The following PPP1R36 variants were observed in gnomAD, a reference collection of about 807,000 sequenced individuals.
PPP1R36 encodes the protein protein phosphatase 1 regulatory subunit 36, also known as chromosome 14 open reading frame 50.
A neutral mutation model predicts 53.4 loss-of-function variants in PPP1R36; 47 were observed. The ratio of observed to expected loss-of-function variants is 0.88; its 90% CI spans 0.70 to 1.12. PPP1R36 has a LOEUF of 1.12. PPP1R36 is among the 50% of genes most tolerant of loss of function. The pLI is 0.00. For synonymous variants in PPP1R36, 153 were observed against 170.5 expected, an observed-to-expected ratio of 0.90 and a Z score of 0.80; for missense variants, 456 against 513.9, an observed-to-expected ratio of 0.89 and a Z score of 1.09.
chr14:64,550,065 A>T lies in PPP1R36; in HGVS notation c.68A>T (p.Asp23Val). 6.4e-7 allele frequency: 1 copy of T among 1,560,662 alleles called. No homozygotes were observed. The highest frequency in any genetic ancestry group is 8.7e-7 in the Non-Finnish European group (1 of 1,152,102). Reference protein sequence around the residue: ...RLGGQTPYLMDQLGLRLGMWY... With the variant: ...RLGGQTPYLMVQLGLRLGMWY... Reference sequence around the variant, plus strand: ...GGTGGGCAGACCCCTTACTTGATGGATGTAAGTGCAGCCTTGGTCGCCCCC... The same window carrying T: ...GGTGGGCAGACCCCTTACTTGATGGTTGTAAGTGCAGCCTTGGTCGCCCCC... Residue 23 changes from aspartate (D) to valine (V), a missense_variant and splice_region_variant, in exon 1 of 12, where the codon GAT becomes GTT. Asp to Val is a radical substitution (Grantham distance 152). Coordinates refer to ENST00000298705, the MANE Select transcript of PPP1R36 (RefSeq NM_172365.3).
chr14:64,550,394 T>G (rs1596719002), intron 1 of PPP1R36: 1 of 684,388 alleles, frequency 1.5e-6, no homozygotes, highest in Non-Finnish European at 2.0e-6. Flanking sequence ...GAAAGGCTGG[T>G]GGGTGCTAGC....
rs2080246455 is a variant in PPP1R36, at chr14:64,565,672, T to C, written c.414T>C (p.Cys138=). 3.1e-6 allele frequency: 5 copies of C among 1,613,344 alleles called. No homozygotes were observed. Among genetic ancestry groups the C allele is most frequent in the Middle Eastern group, 1.6e-4 (1 of 6,082 alleles). Residue 138 remains cysteine, a synonymous_variant, in exon 6 of 12, where the codon TGT becomes TGC. Transcript: ENST00000298705. ...AAGATACTGAGATGCAGCGGATCTGTTCTTTTACAACATTTATGAGGTATC... is the reference window on the plus strand; with the variant it reads ...AAGATACTGAGATGCAGCGGATCTGCTCTTTTACAACATTTATGAGGTATC... The part of the protein sequence containing the change: ...LLQDTEMQRI[C]SFTTFMRNKN...
intron 6 of PPP1R36, among the ~76,000 whole-genome samples, chr14:64,566,280 G>C (rs1433659714): frequency 6.7e-6 from 1 of 149,902 alleles, no homozygotes; most frequent in African/African-American, 2.5e-5. Flanking sequence ...CAAAAAAAAA[G>C]AAAAATACAA....
chr14:64,576,896 CAG>C (rs1288167528), intron 8 of PPP1R36, among the ~76,000 whole-genome samples: 1 of 152,208 alleles, frequency 6.6e-6, no homozygotes, highest in African/African-American at 2.4e-5. Flanking sequence ...ATGTGGCACT[CAG>C]GGAGCGTAAC....
chr14:64,579,361 G>A (rs1022356793), intron 8 of PPP1R36, among the ~76,000 whole-genome samples: 6 of 152,170 alleles, frequency 3.9e-5, no homozygotes, highest in African/African-American at 1.4e-4. Flanking sequence ...AGGTATAGTA[G>A]TAGATTTAAT....
chr14:64,557,335 C>T (rs191584441), intron 3 of PPP1R36, among the ~76,000 whole-genome samples: 47 of 152,134 alleles, frequency 3.1e-4, no homozygotes, highest in Admixed American at 2.8e-3. Context: ...GTATGTATCT[C>T]AAAGAATAAG....
chr14:64,555,332 G>C (rs770962873), intron 3 of PPP1R36, among the ~76,000 whole-genome samples: 1 of 152,234 alleles, frequency 6.6e-6, no homozygotes, highest in Non-Finnish European at 1.5e-5. Flanking sequence ...TTCTCGAACA[G>C]TTGTTAGCCG....
Position 64,574,673 on chromosome 14 carries a change from C to T in PPP1R36, c.668+84C>T, listed in dbSNP as rs2080329646. 6 of 1,434,392 alleles carry T rather than the reference C, an allele frequency of 4.2e-6. No individual in the cohort carries two copies. In the South Asian group the frequency reaches 5.4e-5, roughly 13 times the overall value. The allele number at this position is 1,434,392 out of a possible 1,614,324, so 88.9% of individuals were successfully genotyped here. On this transcript the variant is annotated intron_variant, in intron 8 of 11. Transcript: ENST00000298705. ...GATGCTTCCGTTTGACTTTTGTTACCTTGAGAAAATGTTCCTTTTTCTGTT... is the reference window on the plus strand; with the variant it reads ...GATGCTTCCGTTTGACTTTTGTTACTTTGAGAAAATGTTCCTTTTTCTGTT...
At chr14:64,576,130 G>A (rs955434146) in intron 8 of PPP1R36, among the ~76,000 whole-genome samples, 15 of 148,606 alleles carry the variant, frequency 1.0e-4, no homozygotes, top group African/African-American at 3.8e-4. Flanking sequence ...CCATAGGCTG[G>A]AGTGCAATGG....
intron 7 of PPP1R36, among the ~76,000 whole-genome samples, chr14:64,568,962 T>A (rs2080282204): frequency 6.6e-6 from 1 of 152,120 alleles, no homozygotes; most frequent in Non-Finnish European, 1.5e-5. Flanking sequence ...CAGATATAGT[T>A]GTTGTTTGTG....
intron 6 of PPP1R36, among the ~76,000 whole-genome samples, chr14:64,566,497 G>A (rs970890478): frequency 5.9e-5 from 9 of 151,652 alleles, no homozygotes; most frequent in Non-Finnish European, 1.3e-4. Flanking sequence ...TTCTCTACTA[G>A]TTATGTTTGG....
rs530328058 is a variant in PPP1R36 at position 64,588,811 on chromosome 14, C to T, written c.1083-341C>T. 1.5e-4 allele frequency among the ~76,000 whole-genome samples: 23 copies of T among 152,192 alleles called. No homozygotes were observed. In the East Asian group the frequency reaches 2.1e-3, roughly 14 times the overall value. On this transcript the variant is annotated intron_variant, in intron 11 of 11. Coordinates refer to ENST00000298705, the MANE Select transcript of PPP1R36 (RefSeq NM_172365.3). ...CCAGCCTCAGGTGATCTGCCCGCCTCGGCCTCCCAAAGTGCTGGGATTACA... is the reference window on the plus strand; with the variant it reads ...CCAGCCTCAGGTGATCTGCCCGCCTTGGCCTCCCAAAGTGCTGGGATTACA...
At chr14:64,584,301 G>A (rs950613370) in intron 8 of PPP1R36, among the ~76,000 whole-genome samples, 13 of 152,216 alleles carry the variant, frequency 8.5e-5, no homozygotes, top group Admixed American at 8.5e-4. Context: ...ATGCTAAGAT[G>A]GTGCTGGTTT....
At chr14:64,561,347 A>G (rs2080204216) in intron 3 of PPP1R36, among the ~76,000 whole-genome samples, 1 of 152,216 alleles carries the variant, frequency 6.6e-6, no homozygotes, top group Admixed American at 6.5e-5. Context: ...CTCCCTACTC[A>G]TAGGCAACTC....
chr14:64,561,879 C>T (rs1182578069), intron 3 of PPP1R36: 4 of 454,454 alleles, frequency 8.8e-6, no homozygotes, highest in Non-Finnish European at 1.8e-5. Flanking sequence ...ACCAAGGAAA[C>T]CCTACTCTTT....
intron 8 of PPP1R36, among the ~76,000 whole-genome samples, chr14:64,580,939 T>A (rs1026778054): frequency 6.6e-6 from 1 of 152,196 alleles, no homozygotes; most frequent in Non-Finnish European, 1.5e-5. Flanking sequence ...GCTTGCCTGA[T>A]GCAGTCAGGT....
intron 3 of PPP1R36, among the ~76,000 whole-genome samples, chr14:64,555,564 G>A (rs2080142455): frequency 6.6e-6 from 1 of 152,136 alleles, no homozygotes; most frequent in South Asian, 2.1e-4. Context: ...AATAGGAAAA[G>A]GATTAAAAAC....
intron 8 of PPP1R36, among the ~76,000 whole-genome samples, chr14:64,582,857 T>A (rs2080399682): frequency 6.6e-6 from 1 of 151,624 alleles, no homozygotes; most frequent in Admixed American, 6.6e-5. Context: ...TAAATTTTGT[T>A]ATTTTAATTT....
At chr14:64,567,096 A>G (rs2080265027) in intron 6 of PPP1R36, among the ~76,000 whole-genome samples, 1 of 152,242 alleles carries the variant, frequency 6.6e-6, no homozygotes, top group Admixed American at 6.5e-5. Context: ...CCAGCCTGAG[A>G]CAGGGAGTTA....
Sources: gnomAD v4.1 joint callset for allele counts (sites outside exome capture counted in the v4.1 genomes callset) on GRCh38, gnomAD v4.1.1 for gene constraint, MANE v1.5 for transcripts, NCBI Gene and HGNC (gene_info 2026-07-23, HGNC 2026-07-21) for gene names.